The following KIF26B variants were observed in gnomAD, a reference collection of about 807,000 sequenced individuals.
KIF26B encodes the protein kinesin family member 26B.
Under a neutral mutation model 151.2 loss-of-function variants are expected in KIF26B, and 63 were observed. The observed-to-expected ratio is 0.42, with a 90% CI of 0.34 to 0.51. KIF26B has a LOEUF of 0.51. KIF26B is among the 20% of genes least tolerant of loss of function. The pLI is 0.07. For synonymous variants in KIF26B, 1,357 were observed against 1,262.1 expected, an observed-to-expected ratio of 1.08 and a Z score of -1.59; for missense variants, 2,813 against 2,913.6, an observed-to-expected ratio of 0.97 and a Z score of 0.79.
chr1:245,446,013 T>C lies in KIF26B; in HGVS notation c.1166+26268T>C, dbSNP rs147335476. Among the ~76,000 whole-genome samples, 362 of 152,352 alleles carry C rather than the reference T, an allele frequency of 2.4e-3. 4 individuals are homozygous for C. The highest frequency in any genetic ancestry group is 0.01 in the Middle Eastern group (3 of 294). On this transcript the variant is annotated intron_variant, in intron 4 of 14. Coordinates refer to ENST00000407071, the MANE Select transcript of KIF26B (RefSeq NM_018012.4). The stretch of plus-strand genomic sequence containing the variant: ...CATAAAGATACAGTCATTTGTCACT[T>C]AATAACATACACGTTCTGAGAGAGG...
chr1:245,556,212 T>TTCC (rs909591212), intron 5 of KIF26B, among the ~76,000 whole-genome samples: 1 of 151,122 alleles, frequency 6.6e-6, no homozygotes, highest in Admixed American at 6.6e-5. Flanking sequence ...TCTCTTCTTC[T>TTCC]TCCTCCTCCT....
chr1:245,532,576 A>G (rs1661398323), intron 4 of KIF26B, among the ~76,000 whole-genome samples: 1 of 151,772 alleles, frequency 6.6e-6, no homozygotes, highest in South Asian at 2.1e-4. Context: ...CCATTGGTTA[A>G]CTCTGTGCAT....
At chr1:245,694,997 A>G (rs1339090729) in intron 12 of KIF26B, among the ~76,000 whole-genome samples, 1 of 152,114 alleles carries the variant, frequency 6.6e-6, no homozygotes, top group African/African-American at 2.4e-5. Flanking sequence ...GGCGGCGTCC[A>G]ATGGGGCACC....
chr1:245,369,224 C>G (rs1673044699), intron 3 of KIF26B, among the ~76,000 whole-genome samples: 1 of 150,328 alleles, frequency 6.7e-6, no homozygotes, highest in Non-Finnish European at 1.5e-5. Flanking sequence ...ACAGTTTAGT[C>G]TCTTGATCTC....
intron 5 of KIF26B, among the ~76,000 whole-genome samples, chr1:245,574,864 C>CTTTTTTTTTT (rs201010492): frequency 7.1e-5 from 9 of 126,244 alleles, no homozygotes; most frequent in South Asian, 2.5e-4. Flanking sequence ...TTTTTTTTTT[C>CTTTTTTTTTT]TTTTTTTTTT....
At chr1:245,538,792 A>G (rs1472733767) in intron 4 of KIF26B, among the ~76,000 whole-genome samples, 1 of 152,094 alleles carries the variant, frequency 6.6e-6, no homozygotes. Flanking sequence ...GTCCTCTGAG[A>G]CATAGGCAGG....
chr1:245,184,050 G>GTTGTTTTTTTTTTTTTTTTTTTTT (rs1553332271), intron 2 of KIF26B, among the ~76,000 whole-genome samples: 18 of 19,812 alleles, frequency 9.1e-4, no homozygotes, highest in South Asian at 5.7e-3. Flanking sequence ...GGGAGTTGTT[G>GTTGTTTTTTTTTTTTTTTTTTTTT]TTTTTTTTTT....
At position 245,698,653 on chromosome 1, in the gene KIF26B, CCTGTCATAGTCCAAAAATGGT is replaced by C. The variant is rs561834807; in HGVS notation, c.6028-219_6028-199del. The stretch of plus-strand genomic sequence containing the variant: ...ACCTGCTTTCTCAACTTAAGAATGG[CCTGTCATAGTCCAAAAATGGT>C]CTGTCATAGTCCAAGAATGGTCTGT... On this transcript the variant is annotated intron_variant, in intron 13 of 14. Coordinates refer to ENST00000407071, the MANE Select transcript of KIF26B (RefSeq NM_018012.4). The surrounding 1 kb of genome is among the most constrained non-coding windows in gnomAD (Gnocchi z 4.0). Among the ~76,000 whole-genome samples the C allele has an allele frequency of 9.9e-3, 1,514 of 152,272 alleles. 24 individuals are homozygous for C. Among genetic ancestry groups the C allele is most frequent in the African/African-American group, 0.035 (1,444 of 41,538 alleles).
At chr1:245,357,085 C>G (rs1308926436) in intron 2 of KIF26B, among the ~76,000 whole-genome samples, 19 of 152,052 alleles carry the variant, frequency 1.2e-4, no homozygotes, top group Admixed American at 1.2e-3. Context: ...AGTCAGGGAA[C>G]AAGTGTAGGA....
Position 245,552,948 on chromosome 1 carries a change from G to A in KIF26B, c.1350+11998G>A, listed in dbSNP as rs575693276. ...TGAGAGGTAGGCAGTGGGGCAGTGC[G>A]GGGAGGCAGGGGCTTGTTAGATGCT... On this transcript the variant is annotated intron_variant, in intron 5 of 14. Coordinates refer to ENST00000407071, the MANE Select transcript of KIF26B (RefSeq NM_018012.4). Among the ~76,000 whole-genome samples, 21 of 152,282 alleles carry A rather than the reference G, an allele frequency of 1.4e-4. No homozygotes were observed. The South Asian group carries it at 3.5e-3, about 26-fold the overall frequency.
intron 2 of KIF26B, among the ~76,000 whole-genome samples, chr1:245,364,586 A>G (rs916182256): frequency 2.6e-5 from 4 of 151,842 alleles, no homozygotes; most frequent in African/African-American, 7.3e-5. Flanking sequence ...ACGCCCAGCT[A>G]ATTTTTTTGT....
At chr1:245,432,245 C>T (rs1036225277) in intron 4 of KIF26B, among the ~76,000 whole-genome samples, 4 of 152,068 alleles carry the variant, frequency 2.6e-5, no homozygotes, top group African/African-American at 7.2e-5. Context: ...GAGAAGTTTG[C>T]GAATTTTCCC....
rs750705033 is a variant in KIF26B, at chr1:245,708,918, G to C, written c.*6312G>C. The C allele has an allele frequency of 6.6e-6, 1 of 152,196 alleles. No individual in the cohort carries two copies. The highest frequency in any genetic ancestry group is 2.4e-5 in the African/African-American group (1 of 41,460). The allele number at this position is 152,196 out of a possible 1,614,324, so 9.4% of individuals were successfully genotyped here. A position where few individuals can be genotyped will look rare whatever the true frequency, so the allele number is the denominator to read the frequency against. Reference sequence around the variant, plus strand: ...GTGCATTTATTGTGCCAGAAACAGTGAATTCCTAAATAAGTTCATAAAATC... The same window carrying C: ...GTGCATTTATTGTGCCAGAAACAGTCAATTCCTAAATAAGTTCATAAAATC... On this transcript the variant is annotated 3_prime_UTR_variant, in exon 15 of 15. Transcript: ENST00000407071.
intron 12 of KIF26B, among the ~76,000 whole-genome samples, chr1:245,692,641 C>T (rs1349123247): frequency 6.6e-6 from 1 of 152,158 alleles, no homozygotes; most frequent in Non-Finnish European, 1.5e-5. Context: ...AAACACAAGC[C>T]ACAGTCACAC....
intron 3 of KIF26B, among the ~76,000 whole-genome samples, chr1:245,389,841 C>T (rs1208137459): frequency 6.6e-6 from 1 of 152,154 alleles, no homozygotes; most frequent in Non-Finnish European, 1.5e-5. Context: ...TCCTCCTTTC[C>T]CAAGGCTCAT....
At chr1:245,567,580 G>T (rs963960096) in intron 5 of KIF26B, among the ~76,000 whole-genome samples, 5 of 152,112 alleles carry the variant, frequency 3.3e-5, no homozygotes, top group Non-Finnish European at 7.3e-5. Context: ...CAAAGGCATG[G>T]GGGGATGACC....
chr1:245,513,650 T>C (rs1660885634), intron 4 of KIF26B, among the ~76,000 whole-genome samples: 1 of 152,212 alleles, frequency 6.6e-6, no homozygotes, highest in Non-Finnish European at 1.5e-5. Context: ...GTATGTTCTC[T>C]CTCTGGACAG....
intron 2 of KIF26B, among the ~76,000 whole-genome samples, chr1:245,360,623 A>G (rs1572022548): frequency 6.6e-6 from 1 of 152,226 alleles, no homozygotes; most frequent in East Asian, 1.9e-4. Context: ...CTACTAAGTA[A>G]TAGAAGCAGG....
At chr1:245,608,973 G>A (rs1364272250) in intron 7 of KIF26B, among the ~76,000 whole-genome samples, 2 of 152,042 alleles carry the variant, frequency 1.3e-5, no homozygotes, top group Non-Finnish European at 2.9e-5. Flanking sequence ...AGACTGGCCT[G>A]GAACTCCTGG....
Sources: gnomAD v4.1 joint callset for allele counts (sites outside exome capture counted in the v4.1 genomes callset) on GRCh38, gnomAD v4.1.1 for gene constraint, Gnocchi (gnomAD v3.1) non-coding constraint, MANE v1.5 for transcripts, NCBI Gene and HGNC (gene_info 2026-07-23, HGNC 2026-07-21) for gene names.